The following F11R variants were observed in gnomAD, a reference collection of about 807,000 sequenced individuals.
F11R encodes the protein F11 receptor.
In F11R, 27 loss-of-function variants were observed where a neutral mutation model predicts 39.3. The observed-to-expected ratio is 0.69, with a 90% CI of 0.51 to 0.95. F11R has a LOEUF of 0.95. Among genes scored for constraint, F11R ranks in the 40% least tolerant of loss-of-function variants. The pLI is 0.00. For synonymous variants in F11R, 131 were observed against 144.9 expected, an observed-to-expected ratio of 0.90 and a Z score of 0.69; for missense variants, 335 against 372.7, an observed-to-expected ratio of 0.90 and a Z score of 0.83.
Position 160,998,759 on chromosome 1 carries a change from T to G in F11R, c.*112A>C, listed in dbSNP as rs1178496885. ...ACATCCGAAGAAGTAGGGGGCCCTG[T>G]GGGGTGTAGAAGACAAATAAGGCAT... On this transcript the variant is annotated 3_prime_UTR_variant, in exon 10 of 10. Coordinates refer to ENST00000368026, the MANE Select transcript of F11R (RefSeq NM_016946.6). The G allele has an allele frequency of 2.0e-6, 2 of 1,017,314 alleles. No individual in the cohort carries two copies. Among genetic ancestry groups the G allele is most frequent in the Non-Finnish European group, 3.1e-6 (2 of 651,206 alleles). The allele number at this position is 1,017,314 out of a possible 1,614,324, so 63.0% of individuals were successfully genotyped here. A position where few individuals can be genotyped will look rare whatever the true frequency, so the allele number is the denominator to read the frequency against.
intron 1 of F11R, among the ~76,000 whole-genome samples, chr1:161,013,148 GAAGA>G (rs1402280332): frequency 3.6e-4 from 54 of 148,930 alleles, no homozygotes; most frequent in African/African-American, 1.2e-3. Context: ...AAAAAAAAAA[GAAGA>G]AAGAGGAGGA....
At chr1:161,013,926 C>G (rs1649305340) in intron 1 of F11R, among the ~76,000 whole-genome samples, 2 of 152,198 alleles carry the variant, frequency 1.3e-5, no homozygotes, top group African/African-American at 4.8e-5. Context: ...TTCCTGCCAG[C>G]CAGCTGCTTC....
At chr1:161,000,462 T>C in intron 4 of F11R, 114 bp from the exon 5 acceptor site, 3 of 1,383,440 alleles carry the variant, frequency 2.2e-6, no homozygotes, top group Non-Finnish European at 3.0e-6. Flanking sequence ...ACTCTCACCA[T>C]GCCCCTGGCT....
At chr1:161,002,609 G>A (rs919970939) in intron 1 of F11R, 5 of 152,252 alleles carry the variant, frequency 3.3e-5, no homozygotes, top group Admixed American at 3.3e-4. Flanking sequence ...CTTCAAGTCA[G>A]GACCCTGTCT....
rs899023730 is a variant in F11R, at chr1:161,000,737, G to A, written c.282C>T (p.Ile94=). ...CTTCCCGTGTCACGGACTTGAAGGT[G>A]ATACCAGTTGGCAAGAAGGTCACCC... The part of the protein sequence containing the change: ...EDRVTFLPTG[I]TFKSVTREDT... The change falls in exon 4 of 10, where the codon ATC becomes ATT. Residue 94 remains isoleucine (I), a synonymous_variant. Transcript: ENST00000368026. The A allele has an allele frequency of 6.2e-7, 1 of 1,614,044 alleles. No individual in the cohort carries two copies. The highest frequency in any genetic ancestry group is 1.3e-5 in the African/African-American group (1 of 74,914).
At chr1:161,004,480 G>A (rs1279752591) in intron 1 of F11R, among the ~76,000 whole-genome samples, 4 of 151,974 alleles carry the variant, frequency 2.6e-5, no homozygotes, top group Non-Finnish European at 4.4e-5. Context: ...CCGGGAGGCA[G>A]AGGTTGCAGT....
intron 1 of F11R, 106 bp downstream of exon 1, chr1:161,020,904 G>C (rs1557897321): frequency 1.0e-6 from 1 of 953,468 alleles, no homozygotes; most frequent in Non-Finnish European, 1.7e-6. Flanking sequence ...AACGATATAG[G>C]AAGGTTTCTG....
At chr1:161,014,754 A>G (rs1649353584) in intron 1 of F11R, among the ~76,000 whole-genome samples, 1 of 152,048 alleles carries the variant, frequency 6.6e-6, no homozygotes, top group Admixed American at 6.6e-5. Flanking sequence ...AGCTTGGCCA[A>G]CATGGTGAAA....
intron 7 of F11R, 77 bp downstream of exon 7, chr1:160,999,563 C>T (rs1648336913): frequency 2.0e-6 from 3 of 1,505,014 alleles, no homozygotes; most frequent in Non-Finnish European, 2.8e-6. Flanking sequence ...GTATCAGGGT[C>T]AGTACTCAGA....
At chr1:161,008,912 C>T (rs1648975074) in intron 1 of F11R, among the ~76,000 whole-genome samples, 1 of 152,182 alleles carries the variant, frequency 6.6e-6, no homozygotes, top group African/African-American at 2.4e-5. Flanking sequence ...AATCCCTATA[C>T]TCTGCCAAAC....
intron 1 of F11R, among the ~76,000 whole-genome samples, chr1:161,016,345 G>A (rs1007104000): frequency 5.9e-5 from 9 of 152,168 alleles, no homozygotes; most frequent in East Asian, 3.9e-4. Flanking sequence ...GCATGGTGGC[G>A]GGCGCCTGTA....
intron 1 of F11R, among the ~76,000 whole-genome samples, chr1:161,007,466 A>G (rs1648882956): frequency 6.6e-6 from 1 of 151,808 alleles, no homozygotes; most frequent in African/African-American, 2.4e-5. Context: ...ACTCTGTCTC[A>G]GAAAAGAAAA....
In F11R at chr1:161,000,312, G is replaced by A; in HGVS notation, c.425C>T (p.Ser142Phe). The A allele has an allele frequency of 6.2e-7, 1 of 1,614,142 alleles. No homozygotes were observed. Among genetic ancestry groups the A allele is most frequent in the Non-Finnish European group, 8.5e-7 (1 of 1,180,048 alleles). Residue 142 changes from serine to phenylalanine, a missense_variant, in exon 5 of 10, where the codon TCT becomes TTT. Coordinates refer to ENST00000368026, the MANE Select transcript of F11R (RefSeq NM_016946.6). ...PSKPTVNIPSSATIGNRAVLT... is the reference protein window; with the variant it reads ...PSKPTVNIPSFATIGNRAVLT... ...CACTGCCCGGTTCCCAATGGTGGCAGAGGAGGGGATGTTAACTGTAGGCTT... is the reference window on the plus strand; with the variant it reads ...CACTGCCCGGTTCCCAATGGTGGCAAAGGAGGGGATGTTAACTGTAGGCTT...
chr1:161,009,393 G>C (rs1649003416), intron 1 of F11R, among the ~76,000 whole-genome samples: 1 of 151,548 alleles, frequency 6.6e-6, no homozygotes, highest in African/African-American at 2.4e-5. Context: ...AATAAAACTG[G>C]TACAAGTTGA....
rs1648316650 is a variant in F11R, at chr1:160,999,217, G to GC, written c.816-127_816-126insG. 4.8e-5 allele frequency: 61 copies of GC among 1,258,402 alleles called. 1 individual carries two copies. The highest frequency in any genetic ancestry group is 6.5e-5 in the Non-Finnish European group (59 of 914,046). The allele number at this position is 1,258,402 out of a possible 1,614,324, so 78.0% of individuals were successfully genotyped here. A position where few individuals can be genotyped will look rare whatever the true frequency, so the allele number is the denominator to read the frequency against. On this transcript the variant is annotated intron_variant, in intron 8 of 9. Transcript: ENST00000368026. The stretch of plus-strand genomic sequence containing the variant: ...CAGAGTGCGCAGCAGACAGGTATGG[G>GC]TGGGGTAACAGGACAGACCCAGGGC...
At chr1:161,007,592 A>T (rs1205243320) in intron 1 of F11R, among the ~76,000 whole-genome samples, 1 of 152,212 alleles carries the variant, frequency 6.6e-6, no homozygotes, top group Non-Finnish European at 1.5e-5. Context: ...CAGTTTCTAC[A>T]TCAAAGGGCT....
At chr1:161,001,206 C>T (rs1041689588) in intron 2 of F11R, 79 bp from the exon 3 acceptor site, 1 of 1,595,596 alleles carries the variant, frequency 6.3e-7, no homozygotes, top group African/African-American at 1.3e-5. Flanking sequence ...AAACTGCAGG[C>T]TGGGCTGGGT....
At chr1:161,000,844 GGCATCCAAGGTACGC>G in intron 3 of F11R, 67 bp from the exon 4 acceptor site, 1 of 1,592,240 alleles carries the variant, frequency 6.3e-7, no homozygotes. Flanking sequence ...TGATGAAGGG[GGCATCCAAGGTACGC>G]AAGTGCTCTC....
intron 1 of F11R, among the ~76,000 whole-genome samples, chr1:161,016,556 C>G (rs1649475339): frequency 6.6e-6 from 1 of 152,036 alleles, no homozygotes; most frequent in South Asian, 2.1e-4. Context: ...GCTGGGGAGG[C>G]TAAGGCAGGA....
Sources: gnomAD v4.1 joint callset for allele counts (sites outside exome capture counted in the v4.1 genomes callset) on GRCh38, gnomAD v4.1.1 for gene constraint, MANE v1.5 for transcripts, NCBI Gene and HGNC (gene_info 2026-07-23, HGNC 2026-07-21) for gene names.